JARID2: variants seen among roughly 807,000 people sequenced by gnomAD.
JARID2 encodes the protein protein Jumonji.
A neutral mutation model predicts 125.6 loss-of-function variants in JARID2; 21 were observed. The ratio of observed to expected loss-of-function variants is 0.17; its 90% CI spans 0.12 to 0.24. The LOEUF (loss-of-function observed/expected upper bound fraction) is 0.24. Among genes scored for constraint, JARID2 ranks in the 10% least tolerant of loss-of-function variants. JARID2 has a pLI of 1.00. For missense variants in JARID2, 1,303 were observed against 1,639.6 expected (o/e 0.79, Z 3.55); for synonymous variants, 736 against 661.6 (o/e 1.11, Z -1.73).
intron 2 of JARID2, among the ~76,000 whole-genome samples, chr6:15,388,010 C>T (rs1711581695): frequency 6.6e-6 from 1 of 152,172 alleles, no homozygotes; most frequent in Non-Finnish European, 1.5e-5. Flanking sequence ...GGGCTTCCTA[C>T]AGCCAGAGGT....
chr6:15,322,396 T>G (rs994417003), intron 1 of JARID2, among the ~76,000 whole-genome samples: 2 of 152,258 alleles, frequency 1.3e-5, no homozygotes, highest in Non-Finnish European at 2.9e-5. Context: ...ATTATTGATT[T>G]GCAAGTTCCT....
intron 1 of JARID2, among the ~76,000 whole-genome samples, chr6:15,300,720 TGTGAGAGA>T (rs892772828): frequency 7.7e-6 from 1 of 130,100 alleles, no homozygotes; most frequent in African/African-American, 3.3e-5. Context: ...TGTGTGTGTG[TGTGAGAGA>T]GAGAGAGAGA....
At chr6:15,513,485 T>G in intron 16 of JARID2, 63 bp downstream of exon 16, 5 of 1,484,458 alleles carry the variant, frequency 3.4e-6, no homozygotes, top group Non-Finnish European at 4.6e-6. Flanking sequence ...GCTCCGGGGT[T>G]GCCCCCAGAA....
chr6:15,326,057 A>G (rs1223843174), intron 1 of JARID2, among the ~76,000 whole-genome samples: 1 of 152,210 alleles, frequency 6.6e-6, no homozygotes, highest in Non-Finnish European at 1.5e-5. Flanking sequence ...CTAGTATGGT[A>G]AATATCAATG....
At chr6:15,517,399 C>G in intron 17 of JARID2, 131 bp downstream of exon 17, 2 of 666,716 alleles carry the variant, frequency 3.0e-6, no homozygotes, top group South Asian at 3.4e-5. Flanking sequence ...CCTGAGGTGC[C>G]CTGTTCTTAG....
At chr6:15,429,534 G>A (rs566952963) in intron 3 of JARID2, among the ~76,000 whole-genome samples, 2 of 152,212 alleles carry the variant, frequency 1.3e-5, no homozygotes, top group East Asian at 3.9e-4. Context: ...CTCCCAAAGT[G>A]CTGAGATTAC....
intron 1 of JARID2, among the ~76,000 whole-genome samples, chr6:15,266,269 G>A (rs11968080): frequency 0.069 from 10,499 of 152,122 alleles, 1,236 homozygotes; most frequent in African/African-American, 0.24. Flanking sequence ...TTTTTAGCAC[G>A]GTCTCTGCCA....
chr6:15,354,621 C>T (rs1001362662), intron 1 of JARID2, among the ~76,000 whole-genome samples: 2 of 152,122 alleles, frequency 1.3e-5, no homozygotes, highest in African/African-American at 4.8e-5. Context: ...TGAGCATGTA[C>T]TTAACATTCC....
chr6:15,454,448 T>C (rs974834740), intron 4 of JARID2, among the ~76,000 whole-genome samples: 6 of 152,156 alleles, frequency 3.9e-5, no homozygotes, highest in African/African-American at 1.4e-4. Context: ...TTCCCACCAG[T>C]TTATCTCCAT....
chr6:15,275,342 T>C (rs1319127466), intron 1 of JARID2, among the ~76,000 whole-genome samples: 2 of 152,156 alleles, frequency 1.3e-5, no homozygotes, highest in Non-Finnish European at 2.9e-5. Context: ...TGCACAGCTG[T>C]ACTTCCAGAA....
chr6:15,491,450 C>G (rs1043642925), intron 6 of JARID2, among the ~76,000 whole-genome samples: 1 of 152,204 alleles, frequency 6.6e-6, no homozygotes, highest in African/African-American at 2.4e-5. Context: ...TGTTTAGGCT[C>G]TTTGTTTTTG....
intron 2 of JARID2, among the ~76,000 whole-genome samples, chr6:15,393,050 T>TA (rs1365142640): frequency 2.6e-5 from 4 of 152,182 alleles, no homozygotes; most frequent in African/African-American, 9.6e-5. Flanking sequence ...GGATAGAGGC[T>TA]ATCAGTGCAG....
chr6:15,387,730 C>G (rs1041277431), intron 2 of JARID2, among the ~76,000 whole-genome samples: 1 of 152,098 alleles, frequency 6.6e-6, no homozygotes, highest in African/African-American at 2.4e-5. Flanking sequence ...CCTGGTAAGT[C>G]AGGAAACCCT....
chr6:15,315,410 T>C (rs1207940833), intron 1 of JARID2, among the ~76,000 whole-genome samples: 5 of 152,206 alleles, frequency 3.3e-5, no homozygotes, highest in Non-Finnish European at 7.3e-5. Context: ...CAAGATTTAT[T>C]TGACCCGTTG....
intron 2 of JARID2, among the ~76,000 whole-genome samples, chr6:15,382,502 C>T (rs560328511): frequency 5.9e-5 from 9 of 152,198 alleles, no homozygotes; most frequent in Non-Finnish European, 1.2e-4. Context: ...CTGCAATGGC[C>T]GGTTTCCGTG....
chr6:15,359,767 A>G (rs1465506732), intron 1 of JARID2, among the ~76,000 whole-genome samples: 2 of 150,274 alleles, frequency 1.3e-5, no homozygotes, highest in Non-Finnish European at 3.0e-5. Flanking sequence ...CAGTGGCACA[A>G]TCTCTGCCTC....
At chr6:15,470,536 T>C (rs1009932740) in intron 5 of JARID2, among the ~76,000 whole-genome samples, 3 of 152,260 alleles carry the variant, frequency 2.0e-5, no homozygotes, top group Non-Finnish European at 4.4e-5. Context: ...CTCTGTCCAC[T>C]TAATAATTGT....
chr6:15,272,860 TTTTG>T (rs1452985438), intron 1 of JARID2, among the ~76,000 whole-genome samples: 2 of 152,226 alleles, frequency 1.3e-5, no homozygotes, highest in South Asian at 2.1e-4. Context: ...GTTGTTATGA[TTTTG>T]TTTATTATTC....
intron 1 of JARID2, among the ~76,000 whole-genome samples, chr6:15,314,231 G>C (rs1256674246): frequency 6.6e-6 from 1 of 152,102 alleles, no homozygotes; most frequent in Non-Finnish European, 1.5e-5. Flanking sequence ...CTGTGATTCT[G>C]TCAAATTACC....
Sources: allele counts gnomAD v4.1 joint callset (sites outside exome capture counted in the v4.1 genomes callset), GRCh38; gene constraint gnomAD v4.1.1; transcripts MANE v1.5; gene names NCBI Gene and HGNC (gene_info 2026-07-23, HGNC 2026-07-21).